CNTN4: variants seen among roughly 807,000 people sequenced by gnomAD.
The protein encoded by CNTN4 is contactin-4.
Under a neutral mutation model 122.5 loss-of-function variants are expected in CNTN4, and 77 were observed. That is an observed-to-expected ratio of 0.63 (90% CI 0.52 to 0.76). The LOEUF (loss-of-function observed/expected upper bound fraction) is 0.76. Ranked by LOEUF, CNTN4 falls within the 30% of genes least tolerant of loss-of-function variation. The pLI is 0.00. For missense variants in CNTN4, 1,256 were observed against 1,259.1 expected (o/e 1.00, Z 0.04); for synonymous variants, 512 against 447.0 (o/e 1.15, Z -1.83).
intron 4 of CNTN4, among the ~76,000 whole-genome samples, chr3:2,656,514 T>C (rs181440788): frequency 2.0e-5 from 3 of 152,380 alleles, no homozygotes; most frequent in Admixed American, 6.5e-5. Flanking sequence ...AGACAGCAAC[T>C]ATGTCTGTTC....
chr3:2,952,046 C>A (rs1383111362), intron 13 of CNTN4, among the ~76,000 whole-genome samples: 1 of 152,238 alleles, frequency 6.6e-6, no homozygotes, highest in East Asian at 1.9e-4. Context: ...AGAGGCCATT[C>A]TACTACCCCT....
intron 16 of CNTN4, among the ~76,000 whole-genome samples, chr3:3,033,007 T>C (rs1398358484): frequency 6.6e-6 from 1 of 152,152 alleles, no homozygotes; most frequent in Non-Finnish European, 1.5e-5. Flanking sequence ...ATACCAGCCC[T>C]TCATTTTCTT....
intron 23 of CNTN4, among the ~76,000 whole-genome samples, chr3:3,044,936 T>C (rs1386623300): frequency 6.6e-6 from 1 of 152,142 alleles, no homozygotes; most frequent in Non-Finnish European, 1.5e-5. Context: ...GCTTTTCCAA[T>C]GGTCTTAGCA....
intron 3 of CNTN4, among the ~76,000 whole-genome samples, chr3:2,375,486 T>A (rs533594357): frequency 6.6e-6 from 1 of 152,308 alleles, no homozygotes; most frequent in East Asian, 1.9e-4. Context: ...CAGCCTAAGC[T>A]TCTCTAGCAG....
intron 3 of CNTN4, among the ~76,000 whole-genome samples, chr3:2,534,846 T>C (rs1249006217): frequency 9.9e-4 from 49 of 49,418 alleles, no homozygotes; most frequent in Admixed American, 1.6e-3. Context: ...GTTGCTGTTA[T>C]TGTTGCTGCG....
chr3:2,101,290 G>A (rs975740587), intron 2 of CNTN4, among the ~76,000 whole-genome samples: 5 of 151,948 alleles, frequency 3.3e-5, no homozygotes, highest in African/African-American at 1.2e-4. Context: ...CAGGGCATCC[G>A]TTCCTTCAAT....
chr3:2,793,513 T>A (rs962031094), intron 6 of CNTN4, among the ~76,000 whole-genome samples: 1 of 152,142 alleles, frequency 6.6e-6, no homozygotes, highest in Non-Finnish European at 1.5e-5. Flanking sequence ...TCATGAAATA[T>A]GACGTGGTTT....
At chr3:2,705,839 A>C (rs1165025352) in intron 4 of CNTN4, among the ~76,000 whole-genome samples, 2 of 104,004 alleles carry the variant, frequency 1.9e-5, no homozygotes, top group Admixed American at 2.9e-4. Context: ...TATATATAAT[A>C]TATAATATAT....
rs1559789736 is a variant in CNTN4, at chr3:3,014,046, G to GCACACACACA, written c.1487-12056_1487-12055insCACACACACA. ...TTTATTGAGGAACAGACATTTAAATGTACACACACACACACACACACACAC... is the reference window on the plus strand; with the variant it reads ...TTTATTGAGGAACAGACATTTAAATGCACACACACATACACACACACACACACACACACAC... On this transcript the variant is annotated intron_variant, in intron 14 of 24. Transcript: ENST00000418658. Among the ~76,000 whole-genome samples the GCACACACACA allele has an allele frequency of 1.6e-4, 14 of 87,812 alleles. No individual in the cohort carries two copies. The East Asian group carries it at 4.5e-3, about 28-fold the overall frequency. 57.6% of individuals were successfully genotyped at this position (87,812 alleles called of 152,430 possible). A position where few individuals can be genotyped will look rare whatever the true frequency, so the allele number is the denominator to read the frequency against.
intron 4 of CNTN4, among the ~76,000 whole-genome samples, chr3:2,668,550 T>G (rs1217223596): frequency 5.9e-5 from 9 of 152,212 alleles, no homozygotes; most frequent in African/African-American, 1.4e-4. Flanking sequence ...AGGGACAATT[T>G]GACTTCCTCT....
At chr3:2,682,532 T>C (rs933218862) in intron 4 of CNTN4, among the ~76,000 whole-genome samples, 1 of 152,112 alleles carries the variant, frequency 6.6e-6, no homozygotes, top group African/African-American at 2.4e-5. Context: ...AGACCCCCAC[T>C]TCAATGAGTA....
chr3:2,172,639 C>T (rs536430050), intron 2 of CNTN4, among the ~76,000 whole-genome samples: 63 of 152,258 alleles, frequency 4.1e-4, no homozygotes, highest in African/African-American at 1.4e-3. Context: ...ACATTCTTTT[C>T]GTAGATGGTA....
chr3:2,959,002 T>C (rs2094827684), intron 13 of CNTN4, among the ~76,000 whole-genome samples: 1 of 152,172 alleles, frequency 6.6e-6, no homozygotes, highest in Admixed American at 6.5e-5. Flanking sequence ...GTCATTTGAG[T>C]ATCTGCATAT....
At chr3:2,910,252 C>T (rs1475012161) in intron 12 of CNTN4, among the ~76,000 whole-genome samples, 1 of 152,074 alleles carries the variant, frequency 6.6e-6, no homozygotes, top group Non-Finnish European at 1.5e-5. Flanking sequence ...ACATCAATTC[C>T]CCCAAAGAAA....
chr3:2,192,015 T>C (rs1421695767), intron 2 of CNTN4, among the ~76,000 whole-genome samples: 1 of 151,934 alleles, frequency 6.6e-6, no homozygotes, highest in Non-Finnish European at 1.5e-5. Context: ...TTGCTGAGAA[T>C]GATGGTTTCC....
At chr3:2,252,344 A>G (rs898770690) in intron 2 of CNTN4, among the ~76,000 whole-genome samples, 1 of 151,962 alleles carries the variant, frequency 6.6e-6, no homozygotes, top group Admixed American at 6.6e-5. Context: ...ATTTTTATGT[A>G]TCTCTTTTTG....
chr3:3,041,841 TC>T (rs2125781822), intron 20 of CNTN4, among the ~76,000 whole-genome samples: 1 of 152,248 alleles, frequency 6.6e-6, no homozygotes, highest in South Asian at 2.1e-4. Context: ...GTGTGTGTGG[TC>T]CCAGCTACTT....
intron 3 of CNTN4, among the ~76,000 whole-genome samples, chr3:2,497,280 A>G (rs1160526711): frequency 2.0e-5 from 3 of 152,140 alleles, no homozygotes; most frequent in Admixed American, 1.3e-4. Flanking sequence ...CTCTTCCCCT[A>G]TTGAATCACA....
intron 4 of CNTN4, 126 bp downstream of exon 4, chr3:2,571,684 T>A: frequency 1.4e-6 from 1 of 739,426 alleles, no homozygotes; most frequent in Non-Finnish European, 2.5e-6. Flanking sequence ...ATGACTAGCA[T>A]TTGCTGACAC....
Sources: allele counts gnomAD v4.1 joint callset (sites outside exome capture counted in the v4.1 genomes callset), GRCh38; gene constraint gnomAD v4.1.1; transcripts MANE v1.5; gene names NCBI Gene and HGNC (gene_info 2026-07-23, HGNC 2026-07-21).